The following SLC44A5 variants were observed in gnomAD, a reference collection of about 807,000 sequenced individuals.
The protein encoded by SLC44A5 is choline transporter-like protein 5.
A neutral mutation model predicts 101.8 loss-of-function variants in SLC44A5; 57 were observed. The ratio of observed to expected loss-of-function variants is 0.56; its 90% confidence interval spans 0.45 to 0.70. SLC44A5 has a LOEUF of 0.70. SLC44A5 is among the 30% of genes least tolerant of loss of function. SLC44A5 has a pLI of 0.00. For synonymous variants in SLC44A5, 281 were observed against 290.9 expected (o/e 0.97, Z 0.35); for missense variants, 737 against 853.1 (o/e 0.86, Z 1.70).
At chr1:75,359,402 T>C (rs551230651) in intron 3 of SLC44A5, among the ~76,000 whole-genome samples, 14 of 150,522 alleles carry the variant, frequency 9.3e-5, no homozygotes, top group Admixed American at 5.9e-4. Context: ...GCTGGCTAAT[T>C]TTTGTATTTT....
chr1:75,297,847 T>C (rs1334871658), intron 5 of SLC44A5, among the ~76,000 whole-genome samples: 2 of 152,142 alleles, frequency 1.3e-5, no homozygotes, highest in African/African-American at 4.8e-5. Flanking sequence ...TGTTCATCAA[T>C]CAAATGTTAA....
At chr1:75,653,154 T>C in the SLC44A5 span, among the ~76,000 whole-genome samples, 116 of 152,272 alleles carry the variant, frequency 7.6e-4, no homozygotes, top group African/African-American at 2.8e-3. Context: ...TCAAGTTTTT[T>C]ATGATTATGA....
intron 6 of SLC44A5, among the ~76,000 whole-genome samples, chr1:75,257,886 T>C (rs1055037035): frequency 6.6e-6 from 1 of 151,988 alleles, no homozygotes; most frequent in South Asian, 2.1e-4. Context: ...ACAGTGGGTG[T>C]AGCCCAGGGA....
chr1:75,237,214 C>A (rs1383314794), intron 10 of SLC44A5, 144 bp from the exon 11 acceptor site: 3 of 526,128 alleles, frequency 5.7e-6, no homozygotes, highest in Non-Finnish European at 1.1e-5. Flanking sequence ...GTTTTCCTAG[C>A]CACAATAATA....
chr1:75,663,507 G>C, the SLC44A5 span, among the ~76,000 whole-genome samples: 3 of 152,094 alleles, frequency 2.0e-5, no homozygotes, highest in Non-Finnish European at 4.4e-5. Flanking sequence ...TTTCAAGAAA[G>C]GATCTGCCTC....
chr1:75,444,225 G>A (rs903801860), intron 2 of SLC44A5, among the ~76,000 whole-genome samples: 19 of 151,612 alleles, frequency 1.3e-4, no homozygotes, highest in African/African-American at 4.6e-4. Context: ...GCTGAGGCAG[G>A]AGAATCACTT....
chr1:75,636,605 T>C, the SLC44A5 span, among the ~76,000 whole-genome samples: 1 of 152,126 alleles, frequency 6.6e-6, no homozygotes, highest in East Asian at 1.9e-4. Flanking sequence ...ATTTAATAAA[T>C]GACTAGTTTT....
At chr1:75,486,809 A>G (rs897123516) in intron 2 of SLC44A5, among the ~76,000 whole-genome samples, 2 of 152,046 alleles carry the variant, frequency 1.3e-5, no homozygotes, top group Non-Finnish European at 2.9e-5. Flanking sequence ...AAAAGCTTTC[A>G]TTTTCTTTCT....
chr1:75,562,784 C>G (rs994866898), intron 1 of SLC44A5, among the ~76,000 whole-genome samples: 1 of 152,066 alleles, frequency 6.6e-6, no homozygotes, highest in Non-Finnish European at 1.5e-5. Flanking sequence ...CTCTCACAGT[C>G]TCTCTTTCAA....
In SLC44A5 at chr1:75,533,077, T is replaced by G. The variant is rs35400134; in HGVS notation, c.13+8358A>C. ...ATTATGCCCCATTTCTAAGATGCCC[T>G]TCTGCCTAAATTCAGCCCATTGTAG... On this transcript the variant is annotated intron_variant, in intron 2 of 23. Coordinates refer to ENST00000370859, the MANE Select transcript of SLC44A5 (RefSeq NM_001130058.2). Among the ~76,000 whole-genome samples the G allele has an allele frequency of 8.5e-3, 1,301 of 152,312 alleles. 12 individuals carry two copies. The highest frequency in any genetic ancestry group is 0.018 in the Admixed American group (282 of 15,298).
intron 2 of SLC44A5, among the ~76,000 whole-genome samples, chr1:75,459,607 C>A (rs1666385919): frequency 1.3e-5 from 2 of 152,084 alleles, no homozygotes; most frequent in African/African-American, 4.8e-5. Flanking sequence ...AGTTATGTGA[C>A]TTGCCCAAGT....
At chr1:75,575,241 T>TC (rs1673294852) in intron 1 of SLC44A5, among the ~76,000 whole-genome samples, 1 of 152,168 alleles carries the variant, frequency 6.6e-6, no homozygotes, top group South Asian at 2.1e-4. Flanking sequence ...ACCAGATGCT[T>TC]CCCCCACATG....
chr1:75,404,733 C>T (rs1045238888), intron 2 of SLC44A5, among the ~76,000 whole-genome samples: 1 of 152,206 alleles, frequency 6.6e-6, no homozygotes, highest in Non-Finnish European at 1.5e-5. Flanking sequence ...GTACCAGCTA[C>T]TGCAAAAACA....
chr1:75,439,031 C>T (rs911790553), intron 2 of SLC44A5, among the ~76,000 whole-genome samples: 39 of 152,100 alleles, frequency 2.6e-4, no homozygotes, highest in African/African-American at 8.7e-4. Context: ...GACAACTTGA[C>T]GATCCCCAGT....
At chr1:75,531,656 C>A (rs188751245) in intron 2 of SLC44A5, among the ~76,000 whole-genome samples, 1 of 152,246 alleles carries the variant, frequency 6.6e-6, no homozygotes, top group African/African-American at 2.4e-5. Flanking sequence ...TCTACAGGGA[C>A]CTGGCAATGG....
intron 4 of SLC44A5, among the ~76,000 whole-genome samples, chr1:75,322,713 AAAAC>A (rs373119442): frequency 1.2e-4 from 19 of 152,204 alleles, no homozygotes; most frequent in South Asian, 4.1e-4. Flanking sequence ...TCACTCAGCA[AAAAC>A]AAACAAACAA....
intron 4 of SLC44A5, among the ~76,000 whole-genome samples, chr1:75,309,675 A>G (rs1421510841): frequency 6.6e-6 from 1 of 152,232 alleles, no homozygotes. Context: ...GTGAAATAGT[A>G]TAATAAGGAA....
intron 4 of SLC44A5, among the ~76,000 whole-genome samples, chr1:75,315,923 T>A (rs916808098): frequency 6.6e-6 from 1 of 152,186 alleles, no homozygotes; most frequent in African/African-American, 2.4e-5. Flanking sequence ...TTCTCCATCC[T>A]ACAATGTTCT....
intron 3 of SLC44A5, among the ~76,000 whole-genome samples, chr1:75,383,317 T>A (rs1246230336): frequency 7.5e-6 from 1 of 134,150 alleles, no homozygotes; most frequent in Non-Finnish European, 1.6e-5. Flanking sequence ...GCTGGCGGGA[T>A]CCTCCATATG....
Sources: gnomAD v4.1 joint callset for allele counts (sites outside exome capture counted in the v4.1 genomes callset) on GRCh38, gnomAD v4.1.1 for gene constraint, MANE v1.5 for transcripts, NCBI Gene and HGNC (gene_info 2026-07-23, HGNC 2026-07-21) for gene names.